The following FOXN1 variants were observed in gnomAD, a reference collection of about 807,000 sequenced individuals.
FOXN1 encodes forkhead box N1, also known as forkhead box protein N1.
FOXN1 carries 15 observed loss-of-function variants against 49.0 expected under a neutral mutation model. The observed-to-expected ratio is 0.31, with a 90% confidence interval of 0.20 to 0.47. The LOEUF is 0.47. Among genes scored for constraint, FOXN1 ranks in the 20% least tolerant of loss-of-function variants. FOXN1 has a pLI of 1.00. For missense variants in FOXN1, 800 were observed against 842.8 expected (o/e 0.95, Z 0.63); for synonymous variants, 356 against 369.0 (o/e 0.96, Z 0.40).
At chr17:28,513,881 C>T (rs118136440) in intron 1 of FOXN1, among the ~76,000 whole-genome samples, 400 of 152,192 alleles carry the variant, frequency 2.6e-3, no homozygotes, top group Non-Finnish European at 4.0e-3. Context: ...CCAGGGATGG[C>T]GAAAAGGAAG....
chr17:28,532,826 G>C (rs2069944875), intron 6 of FOXN1, among the ~76,000 whole-genome samples: 1 of 152,190 alleles, frequency 6.6e-6, no homozygotes, highest in Non-Finnish European at 1.5e-5. Context: ...GAAGTGGCTG[G>C]GGTGGGGGCT....
In FOXN1 at chr17:28,537,535, C is replaced by A; in HGVS notation, c.*99C>A. On this transcript the variant is annotated 3_prime_UTR_variant, in exon 9 of 9. Coordinates refer to ENST00000579795, the MANE Select transcript of FOXN1 (RefSeq NM_001369369.1). ...CCTTAAAGGTCAAGGAAGGAAAATA[C>A]TACCTGTCCCCTATGCCACTAAGCC... 1.1e-6 allele frequency: 1 copy of A among 929,070 alleles called. No homozygotes were observed. Among genetic ancestry groups the A allele is most frequent in the Non-Finnish European group, 1.7e-6 (1 of 582,520 alleles). 57.6% of individuals were successfully genotyped at this position (929,070 alleles called of 1,614,324 possible). A position where few individuals can be genotyped will look rare whatever the true frequency, so the allele number is the denominator to read the frequency against.
chr17:28,526,266 G>A (rs1333735071), intron 3 of FOXN1, among the ~76,000 whole-genome samples: 1 of 152,230 alleles, frequency 6.6e-6, no homozygotes. Context: ...TTGGACACAA[G>A]TGCTCTTGGC....
intron 1 of FOXN1, among the ~76,000 whole-genome samples, chr17:28,519,223 T>C (rs1469885793): frequency 1.3e-5 from 2 of 151,790 alleles, no homozygotes; most frequent in African/African-American, 2.4e-5. Context: ...CTCAGCACTT[T>C]GGGAGGCTAA....
At chr17:28,511,723 T>A (rs985049746) in intron 1 of FOXN1, among the ~76,000 whole-genome samples, 2 of 151,934 alleles carry the variant, frequency 1.3e-5, no homozygotes, top group African/African-American at 2.4e-5. Context: ...TTCTCATGAC[T>A]AGCCCACACC....
intron 1 of FOXN1, among the ~76,000 whole-genome samples, chr17:28,507,082 C>G (rs1020803112): frequency 6.6e-6 from 1 of 152,168 alleles, no homozygotes; most frequent in Non-Finnish European, 1.5e-5. Context: ...CTCCTATCCC[C>G]AGCTCCATTT....
Position 28,534,309 on chromosome 17 carries a change from T to A in FOXN1, c.928-22T>A. 1 of 1,614,054 alleles carries A rather than the reference T, an allele frequency of 6.2e-7. No homozygotes were observed. The highest frequency in any genetic ancestry group is 8.5e-7 in the Non-Finnish European group (1 of 1,180,006). On this transcript the variant is annotated intron_variant, in intron 6 of 8. Coordinates refer to ENST00000579795, the MANE Select transcript of FOXN1 (RefSeq NM_001369369.1). This position sits in a 1 kb window ranked among gnomAD's most constrained non-coding sequence, Gnocchi z 4.1. ...GGCTTCCTGAGCCTGGCCTGAATGC[T>A]TGTCTTGCTCTGTTCCGGCAGACAG...
At chr17:28,527,007 C>T (rs2069784792) in intron 3 of FOXN1, among the ~76,000 whole-genome samples, 1 of 152,170 alleles carries the variant, frequency 6.6e-6, no homozygotes, top group East Asian at 1.9e-4. Context: ...GACAGCCCAG[C>T]CTCAGCCTCT....
intron 3 of FOXN1, among the ~76,000 whole-genome samples, chr17:28,526,744 T>C (rs2069778648): frequency 6.6e-6 from 1 of 152,076 alleles, no homozygotes; most frequent in African/African-American, 2.4e-5. Context: ...CCTGGGGCTG[T>C]ACAGAGGAGG....
chr17:28,537,148 C>G lies in FOXN1; in HGVS notation c.1659C>G (p.Ser553Arg). 6.2e-7 allele frequency: 1 copy of G among 1,614,064 alleles called. No individual in the cohort carries two copies. ...TGTGGGAACAGTTGAAGGATGATAG[C>G]TTGGCCCTCGACCCCCTGGTACTGG... ...GNLWEQLKDD[S>R]LALDPLVLVT... The change falls in exon 9 of 9, where the codon AGC becomes AGG. Residue 553 changes from serine (S) to arginine (R), a missense_variant. Coordinates refer to ENST00000579795, the MANE Select transcript of FOXN1 (RefSeq NM_001369369.1).
intron 3 of FOXN1, among the ~76,000 whole-genome samples, chr17:28,525,501 T>C (rs1284196422): frequency 6.6e-6 from 1 of 152,214 alleles, no homozygotes; most frequent in Non-Finnish European, 1.5e-5. Context: ...TTCCATAGCC[T>C]GACCTCCATA....
Position 28,534,990 on chromosome 17 carries a change from A to G in FOXN1, c.1419A>G (p.Pro473=), listed in dbSNP as rs1403405724. The G allele has an allele frequency of 6.2e-7, 1 of 1,613,852 alleles. No homozygotes were observed. The highest frequency in any genetic ancestry group is 8.5e-7 in the Non-Finnish European group (1 of 1,179,928). The change falls in exon 8 of 9, where the codon CCA becomes CCG. Residue 473 remains proline (P), a synonymous_variant. Transcript: ENST00000579795. The surrounding 1 kb of genome is among the most constrained non-coding windows in gnomAD (Gnocchi z 4.1). ...APPGPPQPLF[P]QPDGHLELRA... is the part of the protein sequence containing the mutation. ...CTGGACCCCCGCAGCCATTGTTCCC[A>G]CAGCCGGACGGGCACCTTGAGCTGC... is the stretch of plus-strand genomic sequence containing the variant.
At chr17:28,528,585 C>T (rs908274982) in intron 4 of FOXN1, among the ~76,000 whole-genome samples, 6 of 152,106 alleles carry the variant, frequency 3.9e-5, no homozygotes, top group East Asian at 1.9e-4. Flanking sequence ...AAACACCATC[C>T]GTGGCACCGC....
rs149539010 is a variant in FOXN1, at chr17:28,537,390, C to A, written c.1901C>A (p.Pro634His). ...EPTPPTAPAG[P>H]SVYLSPSSKP... is the part of the protein sequence containing the mutation. ...ACGCCCCCCACGGCCCCTGCAGGCC[C>A]CTCTGTGTACCTCAGCCCCAGCTCC... is the stretch of plus-strand genomic sequence containing the variant. The change falls in exon 9 of 9, where the codon CCC (proline) becomes CAC (histidine). Residue 634 changes from proline (P) to histidine (H), a missense_variant. Pro to His is a moderately conservative substitution (Grantham distance 77). This residue lies in a region of FOXN1 where 344 missense variants were observed against 366.1 expected (regional missense o/e 0.94). Transcript: ENST00000579795. 1 of 1,613,176 alleles carries A rather than the reference C, an allele frequency of 6.2e-7. No individual in the cohort carries two copies. The highest frequency in any genetic ancestry group is 8.5e-7 in the Non-Finnish European group (1 of 1,179,712).
chr17:28,535,222 A>G, intron 8 of FOXN1, 24 bp downstream of exon 8: 1 of 1,610,206 alleles, frequency 6.2e-7, no homozygotes, highest in South Asian at 1.1e-5. Context: ...GGGAAAGGGA[A>G]GGTGGGACAG....
intron 1 of FOXN1, among the ~76,000 whole-genome samples, chr17:28,514,255 G>A (rs1020245674): frequency 7.9e-5 from 12 of 152,132 alleles, no homozygotes; most frequent in African/African-American, 2.9e-4. Flanking sequence ...CTCACATGGA[G>A]GAAAGCGTCA....
At chr17:28,513,835 G>A (rs2069441207) in intron 1 of FOXN1, among the ~76,000 whole-genome samples, 1 of 152,242 alleles carries the variant, frequency 6.6e-6, no homozygotes, top group African/African-American at 2.4e-5. Flanking sequence ...AGAGGTTAGA[G>A]AGGGGCTGGA....
intron 1 of FOXN1, among the ~76,000 whole-genome samples, chr17:28,513,935 T>G (rs1425553196): frequency 6.6e-6 from 1 of 151,984 alleles, no homozygotes; most frequent in Non-Finnish European, 1.5e-5. Flanking sequence ...GCTGTTGGAG[T>G]CAGGCATCTG....
At chr17:28,514,739 G>A (rs774892960) in intron 1 of FOXN1, among the ~76,000 whole-genome samples, 2 of 152,160 alleles carry the variant, frequency 1.3e-5, no homozygotes, top group Admixed American at 6.5e-5. Flanking sequence ...ATAAAGAGTG[G>A]GTAGGAGGCC....
Sources: allele counts gnomAD v4.1 joint callset (sites outside exome capture counted in the v4.1 genomes callset), GRCh38; gene constraint gnomAD v4.1.1; regional missense constraint gnomAD v4.1.1; non-coding constraint Gnocchi (gnomAD v3.1); transcripts MANE v1.5; gene names NCBI Gene and HGNC (gene_info 2026-07-23, HGNC 2026-07-21).